The following LRRC37A2 variants were observed in gnomAD, a reference collection of about 807,000 sequenced individuals.
The protein encoded by LRRC37A2 is leucine-rich repeat-containing protein 37A2.
In LRRC37A2, 9 loss-of-function variants were observed where a neutral mutation model predicts 68.8. The observed-to-expected ratio is 0.13, with a 90% CI of 0.08 to 0.23. The LOEUF (loss-of-function observed/expected upper bound fraction) is 0.23. Among genes scored for constraint, LRRC37A2 ranks in the 10% least tolerant of loss-of-function variants. LRRC37A2 has a pLI of 1.00. For missense variants in LRRC37A2, 168 were observed against 950.4 expected (o/e 0.18, Z 10.82); for synonymous variants, 63 against 367.6 (o/e 0.17, Z 9.48).
the LRRC37A2 span, among the ~76,000 whole-genome samples, chr17:46,999,241 C>T: frequency 2.0e-5 from 3 of 152,210 alleles, no homozygotes; most frequent in Non-Finnish European, 4.4e-5. Context: ...TGACTTTGGG[C>T]GTTTCTTAAC....
At chr17:46,968,323 A>G in the LRRC37A2 span, among the ~76,000 whole-genome samples, 15 of 152,074 alleles carry the variant, frequency 9.9e-5, no homozygotes, top group Non-Finnish European at 2.9e-5. Flanking sequence ...CTGTTTCTGA[A>G]TCTTTAGGGA....
chr17:46,942,929 C>T, the LRRC37A2 span, among the ~76,000 whole-genome samples: 7 of 152,304 alleles, frequency 4.6e-5, no homozygotes, highest in African/African-American at 7.2e-5. Context: ...CATCCCTCCC[C>T]GCCTCATCCC....
chr17:46,764,434 A>C, the LRRC37A2 span: 2 of 152,558 alleles, frequency 1.3e-5, no homozygotes, highest in Admixed American at 1.3e-4. Context: ...AGGGTGAGAA[A>C]TGTAAGATGA....
chr17:46,913,508 T>C, the LRRC37A2 span, among the ~76,000 whole-genome samples: 1 of 152,174 alleles, frequency 6.6e-6, no homozygotes, highest in East Asian at 1.9e-4. Flanking sequence ...GAATGAACAG[T>C]AATAGCTTAG....
At chr17:46,845,657 A>G in the LRRC37A2 span, among the ~76,000 whole-genome samples, 1 of 151,356 alleles carries the variant, frequency 6.6e-6, no homozygotes, top group African/African-American at 2.4e-5. Context: ...CACCTGGCTA[A>G]CTTTTGTATT....
At chr17:46,789,891 C>G in the LRRC37A2 span, among the ~76,000 whole-genome samples, 1 of 152,212 alleles carries the variant, frequency 6.6e-6, no homozygotes, top group African/African-American at 2.4e-5. Flanking sequence ...GGCAACGATT[C>G]CACTCTCTAC....
chr17:46,867,602 C>A, the LRRC37A2 span, among the ~76,000 whole-genome samples: 2 of 152,326 alleles, frequency 1.3e-5, no homozygotes, highest in African/African-American at 4.8e-5. Context: ...GTGGACAGAG[C>A]AGTCTCCTGG....
At chr17:46,712,692 A>C in the LRRC37A2 span, among the ~76,000 whole-genome samples, 1 of 152,180 alleles carries the variant, frequency 6.6e-6, no homozygotes, top group African/African-American at 2.4e-5. Flanking sequence ...GAACGAAATC[A>C]CTTACAGTGA....
the LRRC37A2 span, among the ~76,000 whole-genome samples, chr17:46,841,488 C>A: frequency 6.6e-6 from 1 of 152,360 alleles, no homozygotes; most frequent in Admixed American, 6.5e-5. Context: ...GAAAGAGGCC[C>A]GTCCCTGGTC....
the LRRC37A2 span, chr17:46,773,616 T>TGGGGGGGGGGGGGGGGGGGGGGGGG: frequency 2.0e-6 from 2 of 997,788 alleles, no homozygotes; most frequent in Non-Finnish European, 2.9e-6. Flanking sequence ...CATACAGTCC[T>TGGGGGGGGGGGGGGGGGGGGGGGGG]GATCCCTCCC....
the LRRC37A2 span, among the ~76,000 whole-genome samples, chr17:46,865,979 C>T: frequency 7.2e-5 from 11 of 151,972 alleles, no homozygotes; most frequent in Non-Finnish European, 1.2e-4. Flanking sequence ...AATGAATGAG[C>T]GAGTAAGTGA....
At chr17:46,922,083 C>T in the LRRC37A2 span, among the ~76,000 whole-genome samples, 1 of 152,152 alleles carries the variant, frequency 6.6e-6, no homozygotes, top group Non-Finnish European at 1.5e-5. Context: ...GGAACCAACC[C>T]AAATGTCCAA....
chr17:47,031,169 T>C, the LRRC37A2 span, among the ~76,000 whole-genome samples: 6 of 148,966 alleles, frequency 4.0e-5, no homozygotes, highest in African/African-American at 1.2e-4. Context: ...GGTCAGTCTA[T>C]TTTGAATCTG....
chr17:46,779,822 G>C, the LRRC37A2 span, among the ~76,000 whole-genome samples: 1 of 152,088 alleles, frequency 6.6e-6, no homozygotes, highest in East Asian at 1.9e-4. Flanking sequence ...TACAAAGCGT[G>C]ATCTTGGCTC....
At chr17:46,833,217 G>T in the LRRC37A2 span, 1 of 405,502 alleles carries the variant, frequency 2.5e-6, no homozygotes, top group East Asian at 7.1e-5. Flanking sequence ...CCGGGAAGCA[G>T]CATGTGCGTG....
the LRRC37A2 span, among the ~76,000 whole-genome samples, chr17:46,802,062 G>A: frequency 3.3e-5 from 5 of 152,152 alleles, no homozygotes; most frequent in Non-Finnish European, 2.9e-5. Flanking sequence ...TCGCCTGTAC[G>A]CATGTTTGTG....
chr17:46,828,110 G>A, the LRRC37A2 span, among the ~76,000 whole-genome samples: 1 of 152,086 alleles, frequency 6.6e-6, no homozygotes, highest in Admixed American at 6.5e-5. Context: ...TTACAGGTAT[G>A]AGCCACCGGG....
the LRRC37A2 span, among the ~76,000 whole-genome samples, chr17:46,915,285 G>A: frequency 1.8e-4 from 28 of 152,260 alleles, no homozygotes; most frequent in African/African-American, 6.0e-4. Context: ...ATGGTAACGG[G>A]AGCCCCTACA....
chr17:46,760,181 G>C, the LRRC37A2 span, among the ~76,000 whole-genome samples: 1 of 152,168 alleles, frequency 6.6e-6, no homozygotes, highest in African/African-American at 2.4e-5. Context: ...GATCATTTGA[G>C]CCCAGGGGGT....
Sources: gnomAD v4.1 joint callset for allele counts (sites outside exome capture counted in the v4.1 genomes callset) on GRCh38, gnomAD v4.1.1 for gene constraint, MANE v1.5 for transcripts, NCBI Gene and HGNC (gene_info 2026-07-23, HGNC 2026-07-21) for gene names.